The following DLGAP2 variants were observed in gnomAD, a reference collection of about 807,000 sequenced individuals.
The protein encoded by DLGAP2 is disks large-associated protein 2.
In DLGAP2, 26 loss-of-function variants were observed where a neutral mutation model predicts 100.3. The observed-to-expected ratio is 0.26, with a 90% CI of 0.19 to 0.36. The LOEUF (loss-of-function observed/expected upper bound fraction) is 0.36, where lower values mean the gene tolerates loss of function less well. Ranked by LOEUF, DLGAP2 falls within the 10% of genes least tolerant of loss-of-function variation. DLGAP2 has a pLI of 1.00. For synonymous variants in DLGAP2, 886 were observed against 630.1 expected, an observed-to-expected ratio of 1.41 and a Z score of -6.08; for missense variants, 1,858 against 1,453.2, an observed-to-expected ratio of 1.28 and a Z score of -4.53.
chr8:1,005,061 T>A (rs536020667), intron 2 of DLGAP2, among the ~76,000 whole-genome samples: 8 of 152,314 alleles, frequency 5.3e-5, no homozygotes, highest in African/African-American at 1.9e-4. Flanking sequence ...ACAGAAACTC[T>A]GTCTTCCACT....
intron 2 of DLGAP2, among the ~76,000 whole-genome samples, chr8:1,247,738 C>G (rs372073103): frequency 3.3e-4 from 1 of 3,044 alleles, no homozygotes; most frequent in Non-Finnish European, 6.9e-4. Flanking sequence ...TGGTGGCCGG[C>G]AAGACCTTTG....
intron 3 of DLGAP2, among the ~76,000 whole-genome samples, chr8:1,429,997 C>CATATATATATATATATATAT (rs1361890198): frequency 0.014 from 281 of 19,522 alleles, 56 homozygotes; most frequent in Non-Finnish European, 0.022. Context: ...GGGAGAGATG[C>CATATATATATATATATATAT]ATATATATAC....
At chr8:959,102 A>G (rs907146868) in intron 2 of DLGAP2, among the ~76,000 whole-genome samples, 3 of 152,240 alleles carry the variant, frequency 2.0e-5, no homozygotes, top group Non-Finnish European at 2.9e-5. Context: ...TATGACTAAA[A>G]GCTAACAGTA....
chr8:1,552,686 T>C (rs1801810250), intron 5 of DLGAP2, among the ~76,000 whole-genome samples: 1 of 152,242 alleles, frequency 6.6e-6, no homozygotes, highest in Non-Finnish European at 1.5e-5. Context: ...GGATAAGATT[T>C]AAAAGAATAA....
At chr8:1,537,374 A>G (rs981591905) in intron 4 of DLGAP2, among the ~76,000 whole-genome samples, 4 of 152,130 alleles carry the variant, frequency 2.6e-5, no homozygotes, top group South Asian at 2.1e-4. Flanking sequence ...TGGGGAGGCC[A>G]TGACAGTTTT....
intron 2 of DLGAP2, among the ~76,000 whole-genome samples, chr8:1,125,994 A>T (rs988564298): frequency 6.6e-6 from 1 of 152,204 alleles, no homozygotes; most frequent in Non-Finnish European, 1.5e-5. Context: ...CTCCATGGAC[A>T]CTTCCGGCTC....
intron 4 of DLGAP2, among the ~76,000 whole-genome samples, chr8:1,526,071 G>A (rs935738854): frequency 2.6e-5 from 4 of 151,414 alleles, no homozygotes; most frequent in East Asian, 1.9e-4. Flanking sequence ...TCCTCTGAGC[G>A]TCACCGTGGC....
chr8:918,206 A>T (rs1013559194), intron 2 of DLGAP2, among the ~76,000 whole-genome samples: 1 of 152,204 alleles, frequency 6.6e-6, no homozygotes, highest in Non-Finnish European at 1.5e-5. Flanking sequence ...AGACTGGGGC[A>T]TGGAAATGTG....
intron 9 of DLGAP2, among the ~76,000 whole-genome samples, chr8:1,669,150 T>C (rs1036886334): frequency 4.6e-5 from 7 of 152,196 alleles, no homozygotes; most frequent in African/African-American, 1.7e-4. Context: ...TGCTCTCCTC[T>C]CTACAGAAAT....
At chr8:1,446,467 C>T (rs1415456750) in intron 3 of DLGAP2, among the ~76,000 whole-genome samples, 1 of 152,080 alleles carries the variant, frequency 6.6e-6, no homozygotes, top group Non-Finnish European at 1.5e-5. Flanking sequence ...GTTTTGGTAC[C>T]AGTACCATGC....
chr8:1,275,341 C>T (rs931273875), intron 3 of DLGAP2, among the ~76,000 whole-genome samples: 3 of 149,330 alleles, frequency 2.0e-5, no homozygotes, highest in Non-Finnish European at 4.4e-5. Flanking sequence ...CTCTCTAGCT[C>T]GAGCAGGGAA....
At chr8:1,222,311 C>T (rs1408374384) in intron 2 of DLGAP2, among the ~76,000 whole-genome samples, 1 of 152,142 alleles carries the variant, frequency 6.6e-6, no homozygotes, top group South Asian at 2.1e-4. Context: ...AAGCTGGGCT[C>T]AGTCAGTTCA....
chr8:1,094,343 G>A (rs1421361767), intron 2 of DLGAP2, among the ~76,000 whole-genome samples: 1 of 152,232 alleles, frequency 6.6e-6, no homozygotes, highest in African/African-American at 2.4e-5. Flanking sequence ...TCCACTAACG[G>A]AGTTAGAAAG....
At chr8:1,590,253 G>A (rs1796251432) in intron 6 of DLGAP2, among the ~76,000 whole-genome samples, 1 of 152,194 alleles carries the variant, frequency 6.6e-6, no homozygotes, top group Non-Finnish European at 1.5e-5. Context: ...GGCACTGGGG[G>A]TGAGGATCTC....
At chr8:954,277 A>G (rs1799547498) in intron 2 of DLGAP2, among the ~76,000 whole-genome samples, 1 of 152,180 alleles carries the variant, frequency 6.6e-6, no homozygotes, top group Non-Finnish European at 1.5e-5. Flanking sequence ...TATAGTCACC[A>G]TGTTGTACAA....
At chr8:1,031,936 C>T (rs1193198570) in intron 2 of DLGAP2, among the ~76,000 whole-genome samples, 2 of 152,312 alleles carry the variant, frequency 1.3e-5, no homozygotes, top group African/African-American at 2.4e-5. Context: ...CCTGAACAAG[C>T]GAGTCTGTCT....
At chr8:1,185,721 A>T (rs1017660638) in intron 2 of DLGAP2, among the ~76,000 whole-genome samples, 10 of 62,164 alleles carry the variant, frequency 1.6e-4, no homozygotes, top group South Asian at 9.2e-4. Flanking sequence ...ACACACACAC[A>T]CACACTCACA....
intron 2 of DLGAP2, among the ~76,000 whole-genome samples, chr8:1,117,861 C>A (rs751849671): frequency 6.6e-6 from 1 of 151,976 alleles, no homozygotes; most frequent in African/African-American, 2.4e-5. Context: ...CACAGTTAGG[C>A]TTTTGAAAGT....
chr8:1,106,322 G>A (rs893710957), intron 2 of DLGAP2, among the ~76,000 whole-genome samples: 1 of 150,118 alleles, frequency 6.7e-6, no homozygotes, highest in African/African-American at 2.5e-5. Context: ...CTATTGAGGG[G>A]GAGCCATTCC....
Sources: gnomAD v4.1 joint callset for allele counts (sites outside exome capture counted in the v4.1 genomes callset) on GRCh38, gnomAD v4.1.1 for gene constraint, MANE v1.5 for transcripts, NCBI Gene and HGNC (gene_info 2026-07-23, HGNC 2026-07-21) for gene names.